The following CERS3 variants were observed in gnomAD, a reference collection of about 807,000 sequenced individuals.
The protein encoded by CERS3 is LAG1 homolog, ceramide synthase 3.
In CERS3, 33 loss-of-function variants were observed where a neutral mutation model predicts 50.3. That is an observed-to-expected ratio of 0.66 (90% CI 0.50 to 0.88). The LOEUF is 0.88. Among genes scored for constraint, CERS3 ranks in the 40% least tolerant of loss-of-function variants. CERS3 has a pLI of 0.00. For missense variants in CERS3, 470 were observed against 460.3 expected, an observed-to-expected ratio of 1.02 and a Z score of -0.19; for synonymous variants, 176 against 155.2, an observed-to-expected ratio of 1.13 and a Z score of -0.99.
At chr15:100,448,613 G>A (rs543504022) in intron 11 of CERS3, among the ~76,000 whole-genome samples, 7 of 152,344 alleles carry the variant, frequency 4.6e-5, no homozygotes, top group African/African-American at 1.7e-4. Context: ...GCCATTTTGA[G>A]AGCCTAGCCT....
chr15:100,430,522 C>G (rs1363042810), intron 11 of CERS3, among the ~76,000 whole-genome samples: 1 of 152,188 alleles, frequency 6.6e-6, no homozygotes, highest in South Asian at 2.1e-4. Context: ...AGTGCTGTAA[C>G]TAAATGCTGT....
chr15:100,513,293 G>T (rs2036399113), intron 2 of CERS3, among the ~76,000 whole-genome samples: 1 of 152,120 alleles, frequency 6.6e-6, no homozygotes, highest in Non-Finnish European at 1.5e-5. Context: ...ACTCCACTTG[G>T]GGAAGGTTGT....
intron 11 of CERS3, among the ~76,000 whole-genome samples, chr15:100,415,444 C>T (rs12913284): frequency 0.57 from 87,317 of 151,994 alleles, 25,306 homozygotes; most frequent in Middle Eastern, 0.61. Context: ...CATTACTGGG[C>T]ATATACCCAA....
At chr15:100,448,228 C>T (rs1259018713) in intron 11 of CERS3, among the ~76,000 whole-genome samples, 1 of 152,104 alleles carries the variant, frequency 6.6e-6, no homozygotes. Flanking sequence ...CGGGTACATG[C>T]CTCCTCCACA....
At chr15:100,483,787 A>ATTATTATTATTTTTTTTTTTTTT (rs760594142) in intron 5 of CERS3, among the ~76,000 whole-genome samples, 1 of 100,040 alleles carries the variant, frequency 1.0e-5, no homozygotes, top group African/African-American at 3.8e-5. Context: ...TATTATTATT[A>ATTATTATTATTTTTTTTTTTTTT]TTTTTTTTTT....
chr15:100,477,720 C>G (rs2035176161), intron 7 of CERS3, among the ~76,000 whole-genome samples: 1 of 152,128 alleles, frequency 6.6e-6, no homozygotes, highest in Admixed American at 6.5e-5. Flanking sequence ...AGAAGTTAAG[C>G]AGTAGTGACT....
At chr15:100,462,879 A>G (rs77489966) in intron 10 of CERS3, among the ~76,000 whole-genome samples, 18,265 of 152,274 alleles carry the variant, frequency 0.12, 1,281 homozygotes, top group Admixed American at 0.22. Flanking sequence ...TGATTGACCA[A>G]ATTGGAACAT....
At chr15:100,500,553 C>T (rs918593083) in intron 3 of CERS3, 3 of 152,146 alleles carry the variant, frequency 2.0e-5, no homozygotes, top group Non-Finnish European at 2.9e-5. Context: ...CAAAGATCAC[C>T]GGATACAATG....
intron 11 of CERS3, among the ~76,000 whole-genome samples, chr15:100,412,915 T>C (rs1596610272): frequency 6.6e-6 from 1 of 152,236 alleles, no homozygotes; most frequent in Middle Eastern, 3.4e-3. Context: ...ATTTTCCAGA[T>C]GAGATGAAAG....
chr15:100,426,765 G>C, intron 11 of CERS3, among the ~76,000 whole-genome samples: 1 of 152,186 alleles, frequency 6.6e-6, no homozygotes, highest in Non-Finnish European at 1.5e-5. Context: ...TCCCTCAGCT[G>C]TCTAACAGTC....
rs1382274378 is a variant in CERS3 at position 100,506,463 on chromosome 15, C to CCCCT, written c.-1-4614_-1-4613insAGGG. Among the ~76,000 whole-genome samples, 17 of 14,822 alleles carry CCCCT rather than the reference C, an allele frequency of 1.1e-3. 3 individuals are homozygous for CCCCT. Among genetic ancestry groups the CCCCT allele is most frequent in the Admixed American group, 3.2e-3 (9 of 2,780 alleles). 9.7% of individuals were successfully genotyped at this position (14,822 alleles called of 152,430 possible). On this transcript the variant is annotated intron_variant, in intron 2 of 11. Coordinates refer to ENST00000679737, the MANE Select transcript of CERS3 (RefSeq NM_001378789.1). ...TGACGGGGTGTGAAGAAATCGGGAC[C>CCCCT]CCCCCGCCGCCCCACACACACACAC...
intron 11 of CERS3, among the ~76,000 whole-genome samples, chr15:100,414,886 A>G (rs900382303): frequency 6.6e-6 from 1 of 152,102 alleles, no homozygotes; most frequent in Non-Finnish European, 1.5e-5. Context: ...GGCAGACTTC[A>G]TGACTAAGAC....
intron 11 of CERS3, among the ~76,000 whole-genome samples, chr15:100,445,704 C>T (rs923364889): frequency 1.3e-5 from 2 of 152,166 alleles, no homozygotes; most frequent in African/African-American, 4.8e-5. Context: ...AGAAACATCG[C>T]CCATTATATC....
At chr15:100,439,851 C>T (rs1421497776) in intron 11 of CERS3, among the ~76,000 whole-genome samples, 2 of 152,186 alleles carry the variant, frequency 1.3e-5, no homozygotes, top group Non-Finnish European at 2.9e-5. Flanking sequence ...TCCACAACTC[C>T]TGTCAAACTG....
chr15:100,468,392 C>T (rs75799882), intron 10 of CERS3, among the ~76,000 whole-genome samples: 2,369 of 152,284 alleles, frequency 0.016, 69 homozygotes, highest in African/African-American at 0.054. Flanking sequence ...TTAACCACTA[C>T]ACTCTGTTGT....
At position 100,469,393 on chromosome 15, in the gene CERS3, A is replaced by G. The variant is rs1175600023; in HGVS notation, c.830T>C (p.Ile277Thr). 1 of 1,613,754 alleles carries G rather than the reference A, an allele frequency of 6.2e-7. No individual in the cohort carries two copies. Among genetic ancestry groups the G allele is most frequent in the African/African-American group, 1.3e-5 (1 of 74,926 alleles). Residue 277 changes from isoleucine to threonine, a missense_variant, in exon 10 of 12, where the codon ATT (isoleucine) becomes ACT (threonine). Ile to Thr is a moderately conservative substitution (Grantham distance 89). Transcript: ENST00000679737. ...GTCTACTCACCAGAAAGGAAAAACA[A>G]TGAGGCGGCTGATGAAAAATATGGT... ...FSTIFFISRL[I>T]VFPFWILYCT...
At chr15:100,481,903 C>T (rs2035311369) in intron 5 of CERS3, among the ~76,000 whole-genome samples, 1 of 152,156 alleles carries the variant, frequency 6.6e-6, no homozygotes, top group African/African-American at 2.4e-5. Flanking sequence ...GCTTTTTTTC[C>T]TGTCATTCTC....
intron 11 of CERS3, among the ~76,000 whole-genome samples, chr15:100,429,637 A>G (rs563347093): frequency 1.3e-5 from 2 of 152,264 alleles, no homozygotes; most frequent in South Asian, 2.1e-4. Context: ...CCCTTCAAAC[A>G]TTGGTTAATT....
intron 11 of CERS3, among the ~76,000 whole-genome samples, chr15:100,420,179 G>A (rs542804781): frequency 2.0e-4 from 29 of 146,494 alleles, no homozygotes; most frequent in East Asian, 6.0e-4. Context: ...TTGATAGACC[G>A]CTAGCAAGAC....
Sources: gnomAD v4.1 joint callset for allele counts (sites outside exome capture counted in the v4.1 genomes callset) on GRCh38, gnomAD v4.1.1 for gene constraint, MANE v1.5 for transcripts, NCBI Gene and HGNC (gene_info 2026-07-23, HGNC 2026-07-21) for gene names.